Variants in PHF12 observed in about 807,000 individuals in gnomAD.
PHF12 encodes the protein PHD finger protein 12, also known as PHD factor 1.
In PHF12, 6 loss-of-function variants were observed where a neutral mutation model predicts 99.8. The observed-to-expected ratio is 0.06, with a 90% confidence interval of 0.03 to 0.12. The LOEUF (loss-of-function observed/expected upper bound fraction) is 0.12, where lower values mean the gene tolerates loss of function less well. Ranked by LOEUF, PHF12 falls within the 10% of genes least tolerant of loss-of-function variation. The pLI is 1.00. For synonymous variants in PHF12, 480 were observed against 514.9 expected (o/e 0.93, Z 0.92); for missense variants, 954 against 1,300.1 (o/e 0.73, Z 4.09).
At position 28,913,004 on chromosome 17, in the gene PHF12, T is replaced by C. The variant is rs568220115; in HGVS notation, c.1567A>G (p.Ser523Gly). Reference sequence around the variant, plus strand: ...TTCTTGGATTTTTCCGCACAAGAACTGCAGCCGATGTCCTCTAGGGCTGGG... The same window carrying C: ...TTCTTGGATTTTTCCGCACAAGAACCGCAGCCGATGTCCTCTAGGGCTGGG... ...QSPALEDIGC[S>G]SCAEKSKKTP... is the part of the protein sequence containing the mutation. Residue 523 changes from serine (S) to glycine (G), a missense_variant, in exon 9 of 15, where the codon AGT becomes GGT. Ser to Gly is a moderately conservative substitution (Grantham distance 56). This residue lies in a region of PHF12 where 392 missense variants were observed against 423.1 expected (regional missense o/e 0.93). Transcript: ENST00000332830. 23 of 1,614,214 alleles carry C rather than the reference T, an allele frequency of 1.4e-5. No individual in the cohort carries two copies. The South Asian group carries it at 2.3e-4, about 16-fold the overall frequency.
intron 2 of PHF12, 59 bp from the exon 3 acceptor site, chr17:28,927,122 G>A: frequency 4.0e-6 from 6 of 1,486,590 alleles, no homozygotes; most frequent in Non-Finnish European, 5.6e-6. Flanking sequence ...AGTAGGAAAA[G>A]CCTAGCTAGG....
chr17:28,912,977 T>A lies in PHF12; in HGVS notation c.1594A>T (p.Thr532Ser). ...CSSCAEKSKKTPCGTANGPVN... is the reference protein window; with the variant it reads ...CSSCAEKSKKSPCGTANGPVN... ...GGCCCATTGGCAGTCCCACAAGGGG[T>A]TTTCTTGGATTTTTCCGCACAAGAA... is the stretch of plus-strand genomic sequence containing the variant. Residue 532 changes from threonine to serine, a missense_variant, in exon 9 of 15, where the codon ACC (threonine) becomes TCC (serine). Thr to Ser is a moderately conservative substitution (Grantham distance 58). Around this residue, in one of 8 missense-constraint regions of PHF12, gnomAD observed 392 missense variants for 423.1 expected, o/e 0.93. Transcript: ENST00000332830. 11 of 1,613,684 alleles carry A rather than the reference T, an allele frequency of 6.8e-6. No individual in the cohort carries two copies. Among genetic ancestry groups the A allele is most frequent in the African/African-American group, 1.3e-5 (1 of 74,864 alleles).
chr17:28,911,937 G>T (rs747282872), intron 9 of PHF12, among the ~76,000 whole-genome samples: 17 of 152,278 alleles, frequency 1.1e-4, no homozygotes, highest in Non-Finnish European at 1.8e-4. Context: ...TTCTGGGCTA[G>T]AACAATCCCT....
intron 6 of PHF12, 34 bp downstream of exon 6, chr17:28,919,109 C>T (rs2152663100): frequency 6.3e-7 from 1 of 1,597,276 alleles, no homozygotes; most frequent in Non-Finnish European, 8.6e-7. Flanking sequence ...CCAGCTATGC[C>T]CATTGAGGAC....
At chr17:28,918,680 G>A (rs930653277) in intron 6 of PHF12, among the ~76,000 whole-genome samples, 152 of 152,282 alleles carry the variant, frequency 1.0e-3, no homozygotes, top group African/African-American at 3.4e-3. Flanking sequence ...GCAAGTGACA[G>A]CTCTTTTCTA....
chr17:28,931,604 T>C (rs988430621), intron 2 of PHF12, among the ~76,000 whole-genome samples: 5 of 148,880 alleles, frequency 3.4e-5, no homozygotes, highest in Non-Finnish European at 5.9e-5. Flanking sequence ...TGTTTTGAGA[T>C]GTAGTCTCAC....
chr17:28,935,641 T>G (rs2040495268), intron 2 of PHF12, among the ~76,000 whole-genome samples: 1 of 152,204 alleles, frequency 6.6e-6, no homozygotes, highest in African/African-American at 2.4e-5. Flanking sequence ...TTCATAACAG[T>G]AAAGCCCTAA....
rs141972756 is a variant in PHF12, at chr17:28,920,936, C to T, written c.836+752G>A. 5.2e-3 allele frequency among the ~76,000 whole-genome samples: 744 copies of T among 143,464 alleles called. 5 individuals are homozygous for T. The highest frequency in any genetic ancestry group is 0.018 in the African/African-American group (694 of 38,352). The allele number at this position is 143,464 out of a possible 152,430, so 94.1% of individuals were successfully genotyped here. On this transcript the variant is annotated intron_variant, in intron 5 of 14. Transcript: ENST00000332830. ...TCGCCCAGGCTGGAGTGCAGTGGCG[C>T]GATCTTGGCTCACTGCAAGCTCCGC...
Position 28,950,922 on chromosome 17 carries a change from G to A in PHF12, c.39C>T (p.Asp13=), listed in dbSNP as rs2152681235. 2 of 1,614,046 alleles carry A rather than the reference G, an allele frequency of 1.2e-6. No individual in the cohort carries two copies. The highest frequency in any genetic ancestry group is 2.2e-5 in the East Asian group (1 of 44,858). The stretch of plus-strand genomic sequence containing the variant: ...CCATCAGCCCCCCTGATGTGTCCAA[G>A]TCGTACACGATCGTCTTGGTCTCCA... ...EKMETKTIVY[D]LDTSGGLMEQ... is the part of the protein sequence containing the mutation. Residue 13 remains aspartate, a synonymous_variant, in exon 1 of 15, where the codon GAC becomes GAT. Transcript: ENST00000332830. This position sits in a 1 kb window ranked among gnomAD's most constrained non-coding sequence, Gnocchi z 5.7.
At chr17:28,916,183 T>C (rs2040057583) in intron 7 of PHF12, among the ~76,000 whole-genome samples, 1 of 152,258 alleles carries the variant, frequency 6.6e-6, no homozygotes, top group South Asian at 2.1e-4. Context: ...CTGAAGGTGA[T>C]GGCAGTGGTG....
chr17:28,919,377 CCCTCCTTG>C, intron 5 of PHF12, 102 bp from the exon 6 acceptor site: 1 of 748,030 alleles, frequency 1.3e-6, no homozygotes, highest in Non-Finnish European at 2.1e-6. Flanking sequence ...TAACATTCTC[CCCTCCTTG>C]ATCCTAACAT....
chr17:28,938,471 G>A (rs867900379), intron 2 of PHF12, among the ~76,000 whole-genome samples: 5 of 152,088 alleles, frequency 3.3e-5, no homozygotes, highest in South Asian at 2.1e-4. Flanking sequence ...CTTGTGATCC[G>A]TCCACCTCAG....
chr17:28,922,444 A>G (rs2040183206), intron 4 of PHF12, among the ~76,000 whole-genome samples: 1 of 152,100 alleles, frequency 6.6e-6, no homozygotes, highest in Admixed American at 6.5e-5. Flanking sequence ...CATCCTTCTT[A>G]AGCCTACCAA....
At position 28,949,321 on chromosome 17, in the gene PHF12, A is replaced by T. The variant is rs1310948634; in HGVS notation, c.248+744T>A. Among the ~76,000 whole-genome samples the T allele has an allele frequency of 6.6e-6, 1 of 151,872 alleles. No individual in the cohort carries two copies. The highest frequency in any genetic ancestry group is 6.6e-5 in the Admixed American group (1 of 15,266). ...CGCCGGGAGGGAGGAGGGAAGAGGG[A>T]GGAGGAAGGAAGGCAGCTCTGAGAG... On this transcript the variant is annotated intron_variant, in intron 2 of 14. Transcript: ENST00000332830. The surrounding 1 kb of genome is among the most constrained non-coding windows in gnomAD (Gnocchi z 4.6).
At chr17:28,932,356 A>G (rs940825809) in intron 2 of PHF12, among the ~76,000 whole-genome samples, 5 of 151,398 alleles carry the variant, frequency 3.3e-5, no homozygotes, top group African/African-American at 9.7e-5. Flanking sequence ...TGGGTCTTGA[A>G]CTCCTGGGCT....
intron 2 of PHF12, among the ~76,000 whole-genome samples, chr17:28,941,445 G>C (rs1294537725): frequency 6.6e-6 from 1 of 151,968 alleles, no homozygotes; most frequent in African/African-American, 2.4e-5. Context: ...TATTCTCTGC[G>C]CTCTCTTTAT....
intron 2 of PHF12, among the ~76,000 whole-genome samples, chr17:28,943,357 C>A (rs769710334): frequency 6.6e-6 from 1 of 152,122 alleles, no homozygotes; most frequent in Non-Finnish European, 1.5e-5. Context: ...CTGGCTGGCA[C>A]GGTGGCTCAC....
chr17:28,951,018 G>GTT lies in PHF12; in HGVS notation c.-59_-58insAA. ...CCGGCCCCCCCAACCCCGGGGGGAG[G>GTT]GGGGAGGTGAGGGGAGGGGGCGCTC... On this transcript the variant is annotated 5_prime_UTR_variant, in exon 1 of 15. Coordinates refer to ENST00000332830, the MANE Select transcript of PHF12 (RefSeq NM_001033561.2). The GTT allele has an allele frequency of 6.2e-7, 1 of 1,610,090 alleles. No individual in the cohort carries two copies. Among genetic ancestry groups the GTT allele is most frequent in the Non-Finnish European group, 8.5e-7 (1 of 1,177,862 alleles).
chr17:28,950,047 A>T lies in PHF12; in HGVS notation c.248+18T>A. On this transcript the variant is annotated intron_variant, in intron 2 of 14. Coordinates refer to ENST00000332830, the MANE Select transcript of PHF12 (RefSeq NM_001033561.2). The surrounding 1 kb of genome is among the most constrained non-coding windows in gnomAD (Gnocchi z 5.7). ...GAAGGGTCCGCCAAGAAGCTCCAAA[A>T]GGGTCCCCAGACCTTACCAGCACTG... 1.3e-6 allele frequency: 2 copies of T among 1,570,562 alleles called. No individual in the cohort carries two copies. Among genetic ancestry groups the T allele is most frequent in the Non-Finnish European group, 1.7e-6 (2 of 1,154,926 alleles).
Sources: gnomAD v4.1 joint callset for allele counts (sites outside exome capture counted in the v4.1 genomes callset) on GRCh38, gnomAD v4.1.1 for gene constraint, gnomAD v4.1.1 regional missense constraint, Gnocchi (gnomAD v3.1) non-coding constraint, MANE v1.5 for transcripts, NCBI Gene and HGNC (gene_info 2026-07-23, HGNC 2026-07-21) for gene names.